KCNT1: variants seen among roughly 807,000 people sequenced by gnomAD.
The protein encoded by KCNT1 is potassium channel subfamily T member 1.
Under a neutral mutation model 147.8 loss-of-function variants are expected in KCNT1, and 78 were observed. The observed-to-expected ratio is 0.53, with a 90% CI of 0.44 to 0.64. The LOEUF is 0.64. KCNT1 is among the 30% of genes least tolerant of loss of function. The pLI is 0.00. For synonymous variants in KCNT1, 867 were observed against 748.8 expected (o/e 1.16, Z -2.58); for missense variants, 1,419 against 1,750.3 (o/e 0.81, Z 3.38).
chr9:135,739,471 C>A (rs2131378142), intron 2 of KCNT1, among the ~76,000 whole-genome samples: 1 of 152,022 alleles, frequency 6.6e-6, no homozygotes, highest in South Asian at 2.1e-4. Context: ...GCCAGGACCT[C>A]CCTCCCCTGC....
At chr9:135,775,680 G>A (rs1015065535) in intron 20 of KCNT1, among the ~76,000 whole-genome samples, 1 of 152,162 alleles carries the variant, frequency 6.6e-6, no homozygotes, top group Admixed American at 6.5e-5. Flanking sequence ...ACAGGTTGGA[G>A]CCACCACACC....
chr9:135,782,099 G>A (rs1291101144), intron 24 of KCNT1, among the ~76,000 whole-genome samples: 1 of 152,194 alleles, frequency 6.6e-6, no homozygotes, highest in Non-Finnish European at 1.5e-5. Context: ...AGCTACTTGG[G>A]AGGCTAGGGC....
At chr9:135,791,710 C>T (rs888932022) in intron 29 of KCNT1, 87 bp from the exon 30 acceptor site, 15 of 1,150,884 alleles carry the variant, frequency 1.3e-5, no homozygotes, top group East Asian at 2.3e-5. Context: ...CTCAGCTCAT[C>T]CTGGAGCCCC....
chr9:135,729,049 G>A (rs2131357342), intron 2 of KCNT1, among the ~76,000 whole-genome samples: 1 of 152,344 alleles, frequency 6.6e-6, no homozygotes, highest in South Asian at 2.1e-4. Context: ...TCATTCAGTT[G>A]GGCCCTAATT....
chr9:135,774,217 GTGTC>G (rs1378827960), intron 19 of KCNT1, among the ~76,000 whole-genome samples: 1 of 149,914 alleles, frequency 6.7e-6, no homozygotes, highest in East Asian at 2.0e-4. Flanking sequence ...GTGGTATGTG[GTGTC>G]TGTGTGTTGT....
At chr9:135,748,620 C>G (rs920792269) in intron 2 of KCNT1, among the ~76,000 whole-genome samples, 2 of 152,228 alleles carry the variant, frequency 1.3e-5, no homozygotes, top group African/African-American at 4.8e-5. Context: ...TGGTGCTTAC[C>G]TCCCCCGACT....
In KCNT1 at chr9:135,784,564, C is replaced by T. The variant is rs781212036; in HGVS notation, c.2973C>T (p.Ile991=). ...TCGTGAAGGACTACATGATCACCAT[C>T]ACCCGGCTGCTGCTGGGCCTGGACA... ...QSFVKDYMIT[I]TRLLLGLDTT... is the part of the protein sequence containing the mutation. Residue 991 remains isoleucine, a synonymous_variant, in exon 26 of 31, where the codon ATC becomes ATT. Transcript: ENST00000371757. 2 of 1,524,126 alleles carry T rather than the reference C, an allele frequency of 1.3e-6. No individual in the cohort carries two copies. The highest frequency in any genetic ancestry group is 1.1e-5 in the South Asian group (1 of 88,550). 94.4% of individuals were successfully genotyped at this position (1,524,126 alleles called of 1,614,324 possible). A position where few individuals can be genotyped will look rare whatever the true frequency, so the allele number is the denominator to read the frequency against.
Position 135,756,905 on chromosome 9 carries a change from G to C in KCNT1, c.573G>C (p.Thr191=), listed in dbSNP as rs375310989. 6.8e-6 allele frequency: 11 copies of C among 1,613,176 alleles called. No individual in the cohort carries two copies. The highest frequency in any genetic ancestry group is 1.3e-5 in the African/African-American group (1 of 74,828). The change falls in exon 7 of 31, where the codon ACG becomes ACC. Residue 191 remains threonine, a synonymous_variant. Coordinates refer to ENST00000371757, the MANE Select transcript of KCNT1 (RefSeq NM_020822.3). ...VIVAIISFLE[T]MLLIYLSYKG... is the part of the protein sequence containing the mutation. The stretch of plus-strand genomic sequence containing the variant: ...TGGCCATAATAAGCTTCCTGGAGAC[G>C]ATGCTTCTCATCTACCTCAGCTACA...
intron 2 of KCNT1, among the ~76,000 whole-genome samples, chr9:135,727,311 T>C (rs1346284170): frequency 8.3e-5 from 5 of 59,914 alleles, no homozygotes; most frequent in East Asian, 5.9e-4. Context: ...CTCTTTCCCA[T>C]TCTCTCTCTC....
intron 2 of KCNT1, among the ~76,000 whole-genome samples, chr9:135,734,628 G>C (rs935448833): frequency 6.6e-6 from 1 of 152,186 alleles, no homozygotes; most frequent in African/African-American, 2.4e-5. Flanking sequence ...AAGGCCACGA[G>C]TAAGTGAAGA....
At chr9:135,763,765 T>C (rs1027173424) in intron 11 of KCNT1, among the ~76,000 whole-genome samples, 3 of 152,196 alleles carry the variant, frequency 2.0e-5, no homozygotes, top group African/African-American at 7.2e-5. Context: ...TCAGATCACA[T>C]GGCGAGGTTC....
At chr9:135,704,678 C>G (rs1238017185) in intron 1 of KCNT1, among the ~76,000 whole-genome samples, 1 of 152,220 alleles carries the variant, frequency 6.6e-6, no homozygotes. Flanking sequence ...TTCCCAGCAG[C>G]TGTGCTCCAG....
At chr9:135,763,538 C>G (rs1399759803) in intron 11 of KCNT1, among the ~76,000 whole-genome samples, 1 of 152,058 alleles carries the variant, frequency 6.6e-6, no homozygotes, top group Non-Finnish European at 1.5e-5. Flanking sequence ...CAGGGCTGAC[C>G]CTATCAGGCC....
chr9:135,713,149 G>A (rs1468069064), intron 1 of KCNT1, among the ~76,000 whole-genome samples: 2 of 152,230 alleles, frequency 1.3e-5, no homozygotes, highest in Non-Finnish European at 2.9e-5. Flanking sequence ...TTGGGGTTTT[G>A]CCATTGAAAG....
At position 135,756,834 on chromosome 9, in the gene KCNT1, C is replaced by CG. The variant is rs1564351285; in HGVS notation, c.541-37dup. On this transcript the variant is annotated intron_variant, in intron 6 of 30. Coordinates refer to ENST00000371757, the MANE Select transcript of KCNT1 (RefSeq NM_020822.3). ...TGGGGTCAGGCCCCAGCCCCAGCCC[C>CG]GGCCTGCTCCAGAGCTCCTTCCCTT... 5.1e-6 allele frequency: 8 copies of CG among 1,583,644 alleles called. No homozygotes were observed. In the South Asian group the frequency reaches 5.5e-5, roughly 11 times the overall value.
At chr9:135,781,445 C>T (rs1334969384) in intron 24 of KCNT1, among the ~76,000 whole-genome samples, 1 of 152,220 alleles carries the variant, frequency 6.6e-6, no homozygotes, top group East Asian at 1.9e-4. Context: ...GCACCAGGGG[C>T]TGCGTCTTCT....
chr9:135,740,274 G>C (rs920834636), intron 2 of KCNT1, among the ~76,000 whole-genome samples: 15 of 152,190 alleles, frequency 9.9e-5, no homozygotes, highest in Admixed American at 9.2e-4. Context: ...TGCCTTTGTT[G>C]CGTGTGGGAA....
rs5901091 is a variant in KCNT1 at position 135,795,284 on chromosome 9, CA to C, written c.*3134del. On this transcript the variant is annotated 3_prime_UTR_variant, in exon 31 of 31. Coordinates refer to ENST00000371757, the MANE Select transcript of KCNT1 (RefSeq NM_020822.3). ...TGAACCCTGACTGTATCAAAAAGTACAAAAAAAAAAATAGCTAGACGTGGTG... is the reference window on the plus strand; with the variant it reads ...TGAACCCTGACTGTATCAAAAAGTACAAAAAAAAAATAGCTAGACGTGGTG... The C allele has an allele frequency of 1.1e-3, 149 of 135,114 alleles. 1 individual carries two copies. The highest frequency in any genetic ancestry group is 3.9e-3 in the Middle Eastern group (1 of 254). The allele number at this position is 135,114 out of a possible 1,614,324, so 8.4% of individuals were successfully genotyped here. A position where few individuals can be genotyped will look rare whatever the true frequency, so the allele number is the denominator to read the frequency against.
Position 135,759,670 on chromosome 9 carries a change from G to A in KCNT1, c.855-9G>A, listed in dbSNP as rs761283393. 1.8e-5 allele frequency: 28 copies of A among 1,594,586 alleles called. No individual in the cohort carries two copies. Among genetic ancestry groups the A allele is most frequent in the Non-Finnish European group, 2.4e-5 (28 of 1,168,592 alleles). ...GCCCCAGGCCGCCCCTCACTGCCAG[G>A]GGTTGCAGGACCTGCGGCATCCAGC... On this transcript the variant is annotated splice_polypyrimidine_tract_variant and intron_variant, in intron 10 of 30. Coordinates refer to ENST00000371757, the MANE Select transcript of KCNT1 (RefSeq NM_020822.3).
Sources: allele counts gnomAD v4.1 joint callset (sites outside exome capture counted in the v4.1 genomes callset), GRCh38; gene constraint gnomAD v4.1.1; transcripts MANE v1.5; gene names NCBI Gene and HGNC (gene_info 2026-07-23, HGNC 2026-07-21).